The following TRPM3 variants were observed in gnomAD, a reference collection of about 807,000 sequenced individuals.
TRPM3 encodes the protein transient receptor potential cation channel subfamily M member 3.
A neutral mutation model predicts 181.2 loss-of-function variants in TRPM3; 77 were observed. That is an observed-to-expected ratio of 0.42 (90% confidence interval 0.35 to 0.51). The LOEUF (loss-of-function observed/expected upper bound fraction) is 0.51. Among genes scored for constraint, TRPM3 ranks in the 20% least tolerant of loss-of-function variants. TRPM3 has a pLI of 0.01. For synonymous variants in TRPM3, 745 were observed against 796.4 expected, an observed-to-expected ratio of 0.94 and a Z score of 1.09; for missense variants, 1,759 against 2,196.7, an observed-to-expected ratio of 0.80 and a Z score of 3.98.
At chr9:70,846,312 G>A in intron 4 of TRPM3, 66 bp downstream of exon 4, 2 of 1,479,624 alleles carry the variant, frequency 1.4e-6, no homozygotes, top group East Asian at 2.3e-5. Flanking sequence ...AATCTTAGCA[G>A]AAAATTACAT....
intron 1 of TRPM3, among the ~76,000 whole-genome samples, chr9:71,355,856 A>T (rs62544228): frequency 0.22 from 32,870 of 151,880 alleles, 4,024 homozygotes; most frequent in Middle Eastern, 0.31. Flanking sequence ...TTTTCCAGGG[A>T]TTAAATTATA....
chr9:71,246,456 AGC>A (rs2082038912), intron 1 of TRPM3, among the ~76,000 whole-genome samples: 1 of 152,210 alleles, frequency 6.6e-6, no homozygotes, highest in Admixed American at 6.5e-5. Flanking sequence ...CACACATTTT[AGC>A]ACATGGTTCC....
intron 1 of TRPM3, among the ~76,000 whole-genome samples, chr9:71,068,838 AGG>A (rs1439467019): frequency 6.6e-6 from 1 of 152,216 alleles, no homozygotes; most frequent in African/African-American, 2.4e-5. Context: ...CATATGGGGA[AGG>A]GATATGTCAC....
At chr9:70,993,147 G>A (rs557647284) in intron 1 of TRPM3, among the ~76,000 whole-genome samples, 1 of 152,278 alleles carries the variant, frequency 6.6e-6, no homozygotes, top group South Asian at 2.1e-4. Flanking sequence ...AAGGAGTTTG[G>A]ATTTTTTCCA....
At chr9:70,946,738 C>A (rs749806471) in intron 1 of TRPM3, among the ~76,000 whole-genome samples, 3 of 152,080 alleles carry the variant, frequency 2.0e-5, no homozygotes, top group East Asian at 1.9e-4. Flanking sequence ...TAATGCCCCC[C>A]ACCTGGTCCC....
At chr9:71,379,747 G>C (rs1268747351) in intron 1 of TRPM3, among the ~76,000 whole-genome samples, 3 of 151,650 alleles carry the variant, frequency 2.0e-5, no homozygotes, top group Non-Finnish European at 4.4e-5. Context: ...ATGTTGAAAA[G>C]CATAAACTTA....
intron 1 of TRPM3, among the ~76,000 whole-genome samples, chr9:71,367,804 C>T (rs996985996): frequency 1.3e-5 from 2 of 152,144 alleles, no homozygotes; most frequent in African/African-American, 4.8e-5. Flanking sequence ...TTTACTACCT[C>T]TCTTGAGAAA....
At chr9:71,008,355 T>A (rs2097701702) in intron 1 of TRPM3, among the ~76,000 whole-genome samples, 1 of 150,654 alleles carries the variant, frequency 6.6e-6, no homozygotes, top group African/African-American at 2.5e-5. Flanking sequence ...ACTATATTAA[T>A]ACTTCTCAAA....
chr9:70,620,847 C>T (rs1186184404), intron 15 of TRPM3, among the ~76,000 whole-genome samples: 2 of 151,796 alleles, frequency 1.3e-5, no homozygotes, highest in African/African-American at 2.4e-5. Flanking sequence ...TTAGACCTGT[C>T]ATCACTTGTA....
At chr9:71,308,117 T>C (rs2087547919) in intron 1 of TRPM3, among the ~76,000 whole-genome samples, 1 of 151,958 alleles carries the variant, frequency 6.6e-6, no homozygotes, top group East Asian at 1.9e-4. Flanking sequence ...ATTACAGGCA[T>C]GTGCCACCAC....
At chr9:71,027,513 T>C (rs1446125818) in intron 1 of TRPM3, among the ~76,000 whole-genome samples, 2 of 152,214 alleles carry the variant, frequency 1.3e-5, no homozygotes, top group African/African-American at 4.8e-5. Flanking sequence ...GGAATGAAGA[T>C]AATTAAGATT....
intron 6 of TRPM3, among the ~76,000 whole-genome samples, chr9:70,787,763 C>CTTTTTTTTTTTTTTTTTTTTTTG (rs2084089646): frequency 1.5e-5 from 1 of 68,558 alleles, no homozygotes; most frequent in Non-Finnish European, 2.6e-5. Flanking sequence ...TTTTTGGATT[C>CTTTTTTTTTTTTTTTTTTTTTTG]TTTTTTTTTT....
intron 1 of TRPM3, among the ~76,000 whole-genome samples, chr9:71,406,199 G>C (rs574573920): frequency 3.3e-5 from 5 of 152,318 alleles, no homozygotes; most frequent in Admixed American, 3.3e-4. Flanking sequence ...TATTACTGGA[G>C]AGTTGCACGA....
At chr9:70,782,952 G>A (rs999782724) in intron 7 of TRPM3, among the ~76,000 whole-genome samples, 1 of 152,042 alleles carries the variant, frequency 6.6e-6, no homozygotes, top group Non-Finnish European at 1.5e-5. Flanking sequence ...AGATGAGGAA[G>A]GGGATAGGGA....
At position 70,536,951 on chromosome 9, in the gene TRPM3, C is replaced by G. The variant is rs1199513845; in HGVS notation, c.4162G>C (p.Glu1388Gln). 1 of 1,614,092 alleles carries G rather than the reference C, an allele frequency of 6.2e-7. No individual in the cohort carries two copies. Among genetic ancestry groups the G allele is most frequent in the Non-Finnish European group, 8.5e-7 (1 of 1,179,974 alleles). ...RATSSHSVAK[E>Q]PKAPAAPANT... is the part of the protein sequence containing the mutation. ...GCAGGGGCTGCAGGAGCTTTGGGTT[C>G]TTTTGCTACAGAGTGGGAACTAGTA... Residue 1388 changes from glutamate to glutamine, a missense_variant, in exon 26 of 26, where the codon GAA becomes CAA. Coordinates refer to ENST00000677713, the MANE Select transcript of TRPM3 (RefSeq NM_001366145.2).
At chr9:70,680,978 C>T (rs2065275673) in intron 9 of TRPM3, among the ~76,000 whole-genome samples, 1 of 152,094 alleles carries the variant, frequency 6.6e-6, no homozygotes, top group Non-Finnish European at 1.5e-5. Flanking sequence ...ACCATTTTTG[C>T]CTTGACTTCC....
chr9:71,336,359 CA>C (rs1229093992), intron 1 of TRPM3, among the ~76,000 whole-genome samples: 1 of 152,042 alleles, frequency 6.6e-6, no homozygotes, highest in Non-Finnish European at 1.5e-5. Flanking sequence ...ACAATTGCTA[CA>C]AACAGAATAA....
At chr9:70,764,760 A>G (rs2078783023) in intron 7 of TRPM3, among the ~76,000 whole-genome samples, 2 of 152,212 alleles carry the variant, frequency 1.3e-5, no homozygotes. Flanking sequence ...ATAAAGTTAA[A>G]GAAATTAAAA....
intron 3 of TRPM3, among the ~76,000 whole-genome samples, chr9:70,852,102 G>A (rs560736015): frequency 2.3e-5 from 3 of 128,368 alleles, no homozygotes; most frequent in African/African-American, 3.0e-5. Context: ...ACTCCAGCCC[G>A]GGCGACAAGA....
Sources: gnomAD v4.1 joint callset for allele counts (sites outside exome capture counted in the v4.1 genomes callset) on GRCh38, gnomAD v4.1.1 for gene constraint, MANE v1.5 for transcripts, NCBI Gene and HGNC (gene_info 2026-07-23, HGNC 2026-07-21) for gene names.